FNIP1: variants seen among roughly 807,000 people sequenced by gnomAD.
FNIP1 encodes the protein folliculin interacting protein 1, also known as folliculin-interacting protein 1.
A neutral mutation model predicts 124.5 loss-of-function variants in FNIP1; 40 were observed. The observed-to-expected ratio is 0.32, with a 90% CI of 0.25 to 0.42. The LOEUF is 0.42. Ranked by LOEUF, FNIP1 falls within the 10% of genes least tolerant of loss-of-function variation. FNIP1 has a pLI of 1.00. For synonymous variants in FNIP1, 472 were observed against 470.6 expected (o/e 1.00, Z -0.04); for missense variants, 1,176 against 1,403.7 (o/e 0.84, Z 2.59).
At chr5:131,793,040 T>C (rs1772460332) in intron 1 of FNIP1, among the ~76,000 whole-genome samples, 2 of 152,208 alleles carry the variant, frequency 1.3e-5, no homozygotes, top group Admixed American at 6.5e-5. Flanking sequence ...AACAATCTTT[T>C]TTTTTGAGAC....
intron 6 of FNIP1, among the ~76,000 whole-genome samples, chr5:131,713,978 C>G (rs557618772): frequency 6.6e-6 from 1 of 152,186 alleles, no homozygotes; most frequent in African/African-American, 2.4e-5. Context: ...ATCTGTGTTG[C>G]TATATTCCAA....
intron 15 of FNIP1, among the ~76,000 whole-genome samples, chr5:131,657,448 A>G (rs1024262889): frequency 6.6e-6 from 1 of 152,100 alleles, no homozygotes; most frequent in Non-Finnish European, 1.5e-5. Flanking sequence ...TTGCCCCTAA[A>G]CACATCTCTA....
chr5:131,708,895 C>G (rs918923077), intron 8 of FNIP1, among the ~76,000 whole-genome samples: 1 of 147,490 alleles, frequency 6.8e-6, no homozygotes, highest in Non-Finnish European at 1.5e-5. Flanking sequence ...TATAAGCAAA[C>G]GTGTTTTTTT....
At chr5:131,689,987 G>A (rs1443384525) in intron 11 of FNIP1, among the ~76,000 whole-genome samples, 4 of 152,082 alleles carry the variant, frequency 2.6e-5, no homozygotes, top group African/African-American at 7.2e-5. Context: ...TTGGGAGGCC[G>A]AGGAGGGTGG....
chr5:131,678,410 TTTTG>T (rs942997346), intron 12 of FNIP1, among the ~76,000 whole-genome samples: 14 of 152,276 alleles, frequency 9.2e-5, no homozygotes, highest in Admixed American at 6.5e-5. Flanking sequence ...TATATGTTTT[TTTTG>T]TTTGTTTGTT....
intron 8 of FNIP1, among the ~76,000 whole-genome samples, chr5:131,706,762 C>A (rs909230346): frequency 1.8e-4 from 28 of 152,300 alleles, no homozygotes; most frequent in African/African-American, 6.5e-4. Flanking sequence ...CTGAGACAAT[C>A]CCCTTTTGGC....
intron 1 of FNIP1, among the ~76,000 whole-genome samples, chr5:131,762,485 G>A (rs1771264052): frequency 6.6e-6 from 1 of 152,078 alleles, no homozygotes; most frequent in African/African-American, 2.4e-5. Flanking sequence ...TGGCAAACAG[G>A]TATATGAAAA....
chr5:131,763,288 TACAC>T (rs34544569), intron 1 of FNIP1, among the ~76,000 whole-genome samples: 3,368 of 148,416 alleles, frequency 0.023, 140 homozygotes, highest in African/African-American at 0.078. Flanking sequence ...CAAATGCAAA[TACAC>T]ACACACACAC....
intron 17 of FNIP1, among the ~76,000 whole-genome samples, chr5:131,645,329 G>C (rs76760188): frequency 1.4e-5 from 2 of 142,888 alleles, no homozygotes; most frequent in Admixed American, 7.0e-5. Flanking sequence ...AAAAAACAAA[G>C]AATAATAATG....
chr5:131,653,314 G>A (rs550327581), intron 15 of FNIP1, among the ~76,000 whole-genome samples: 14 of 152,166 alleles, frequency 9.2e-5, no homozygotes, highest in Middle Eastern at 3.4e-3. Flanking sequence ...AAGGTGGACC[G>A]ATCACCTAAG....
At chr5:131,750,616 C>CTT (rs537818966) in intron 1 of FNIP1, among the ~76,000 whole-genome samples, 10,511 of 137,970 alleles carry the variant, frequency 0.076, 783 homozygotes, top group African/African-American at 0.2. Flanking sequence ...TCCCTTCTTT[C>CTT]TTTTTTTTTT....
chr5:131,671,442 G>A, intron 14 of FNIP1, 63 bp downstream of exon 14: 3 of 1,291,036 alleles, frequency 2.3e-6, no homozygotes, highest in Non-Finnish European at 1.1e-6. Flanking sequence ...TCAGAGAACA[G>A]CTAAAAAAGA....
intron 11 of FNIP1, among the ~76,000 whole-genome samples, chr5:131,685,341 C>T (rs1315392126): frequency 6.6e-6 from 1 of 151,946 alleles, no homozygotes; most frequent in African/African-American, 2.4e-5. Context: ...ACAATTTAAA[C>T]CACAAAAAAT....
At chr5:131,752,385 A>G (rs146380196) in intron 1 of FNIP1, among the ~76,000 whole-genome samples, 1 of 152,238 alleles carries the variant, frequency 6.6e-6, no homozygotes, top group East Asian at 1.9e-4. Flanking sequence ...GACTTTATGA[A>G]AAAGGTAAAA....
At chr5:131,649,629 A>C (rs1184240996) in intron 16 of FNIP1, among the ~76,000 whole-genome samples, 1 of 152,124 alleles carries the variant, frequency 6.6e-6, no homozygotes, top group African/African-American at 2.4e-5. Context: ...GATAGCTAAT[A>C]AACAAAAGTT....
intron 1 of FNIP1, among the ~76,000 whole-genome samples, chr5:131,752,467 T>C (rs1426283120): frequency 6.8e-6 from 1 of 146,510 alleles, no homozygotes; most frequent in Non-Finnish European, 1.5e-5. Context: ...TTAAACAAGA[T>C]ACAAAAATTA....
chr5:131,729,724 C>A (rs1274740575), intron 3 of FNIP1, among the ~76,000 whole-genome samples: 1 of 151,344 alleles, frequency 6.6e-6, no homozygotes, highest in Admixed American at 6.6e-5. Flanking sequence ...ACTACAGGCT[C>A]ACACCACCAC....
At chr5:131,749,194 G>GA (rs1257553557) in intron 1 of FNIP1, among the ~76,000 whole-genome samples, 1 of 152,028 alleles carries the variant, frequency 6.6e-6, no homozygotes, top group Non-Finnish European at 1.5e-5. Flanking sequence ...TATTATTGAA[G>GA]AAAAACATTT....
chr5:131,739,124 C>T (rs963138173), intron 2 of FNIP1, among the ~76,000 whole-genome samples: 1 of 152,074 alleles, frequency 6.6e-6, no homozygotes, highest in Non-Finnish European at 1.5e-5. Context: ...CCTAGAGATA[C>T]CTTTTCCACT....
Sources: gnomAD v4.1 joint callset for allele counts (sites outside exome capture counted in the v4.1 genomes callset) on GRCh38, gnomAD v4.1.1 for gene constraint, MANE v1.5 for transcripts, NCBI Gene and HGNC (gene_info 2026-07-23, HGNC 2026-07-21) for gene names.